RAN: variants seen among roughly 807,000 people sequenced by gnomAD.
RAN encodes the protein RAN, member RAS oncogene family.
A neutral mutation model predicts 26.8 loss-of-function variants in RAN; 2 were observed. That is an observed-to-expected ratio of 0.07 (90% CI 0.03 to 0.23). RAN has a LOEUF of 0.23. Ranked by LOEUF, RAN falls within the 10% of genes least tolerant of loss-of-function variation. The pLI is 1.00. For missense variants in RAN, 56 were observed against 264.8 expected (o/e 0.21, Z 5.47); for synonymous variants, 132 against 95.9 (o/e 1.38, Z -2.20).
At chr12:130,875,847 C>T in intron 6 of RAN, 35 bp from the exon 7 acceptor site, 1 of 1,614,088 alleles carries the variant, frequency 6.2e-7, no homozygotes, top group Non-Finnish European at 8.5e-7. Flanking sequence ...CAGTTTTGAT[C>T]TGGAGTGTTA....
Position 130,872,643 on chromosome 12 carries a change from C to T in RAN, c.36+14C>T, listed in dbSNP as rs1377238162. ...GTCCAGTTCAAAGTAGGTAACCCTG[C>T]GGGGCGGGAGGCGGCCGAGCCCGAC... is the stretch of plus-strand genomic sequence containing the variant. On this transcript the variant is annotated intron_variant, in intron 2 of 6. Coordinates refer to ENST00000543796, the MANE Select transcript of RAN (RefSeq NM_006325.5). The T allele has an allele frequency of 2.6e-6, 4 of 1,523,428 alleles. No individual in the cohort carries two copies. The highest frequency in any genetic ancestry group is 2.8e-5 in the African/African-American group (2 of 71,792). 94.4% of individuals were successfully genotyped at this position (1,523,428 alleles called of 1,614,324 possible).
At chr12:130,872,811 A>C in intron 2 of RAN, 25 bp from the exon 3 acceptor site, 1 of 1,612,752 alleles carries the variant, frequency 6.2e-7, no homozygotes. Context: ...TTTAGGGTTT[A>C]CTTCCAAAAT....
In RAN at chr12:130,875,520, A is replaced by T. The variant is rs1953223192; in HGVS notation, c.436-92A>T. On this transcript the variant is annotated intron_variant, in intron 5 of 6. Coordinates refer to ENST00000543796, the MANE Select transcript of RAN (RefSeq NM_006325.5). ...GCATGAGCCACCATGCCTTGCCAAG[A>T]ATCTTAACATTTTCTTATCTTGCAA... 4 of 1,241,756 alleles carry T rather than the reference A, an allele frequency of 3.2e-6. No individual in the cohort carries two copies. In the South Asian group the frequency reaches 6.2e-5, roughly 19 times the overall value. The allele number at this position is 1,241,756 out of a possible 1,614,324, so 76.9% of individuals were successfully genotyped here. A position where few individuals can be genotyped will look rare whatever the true frequency, so the allele number is the denominator to read the frequency against.
chr12:130,873,437 T>G (rs894551900), intron 4 of RAN: 1 of 317,070 alleles, frequency 3.2e-6, no homozygotes, highest in African/African-American at 2.2e-5. Flanking sequence ...CTTAGGTTCA[T>G]GTATGTATTT....
rs933964158 is a variant in RAN, at chr12:130,876,392, A to G, written c.*466A>G. ...CCTTGCTTTTATCACTTAATTTGAA[A>G]TCTATTGGGTTAATTTCTCCCTATG... On this transcript the variant is annotated 3_prime_UTR_variant, in exon 7 of 7. Transcript: ENST00000543796. 3.0e-5 allele frequency: 5 copies of G among 167,726 alleles called. No homozygotes were observed. Among genetic ancestry groups the G allele is most frequent in the Non-Finnish European group, 5.2e-5 (4 of 77,626 alleles). 10.4% of individuals were successfully genotyped at this position (167,726 alleles called of 1,614,324 possible).
chr12:130,875,057 C>A (rs965951367), intron 5 of RAN, among the ~76,000 whole-genome samples: 3 of 152,178 alleles, frequency 2.0e-5, no homozygotes, highest in Non-Finnish European at 4.4e-5. Flanking sequence ...AACTCCTGAC[C>A]TCAAGTGATC....
rs1953261101 is a variant in RAN at position 130,877,122 on chromosome 12, T to C, written c.*1196T>C. 6.6e-6 allele frequency: 1 copy of C among 152,066 alleles called. No individual in the cohort carries two copies. The highest frequency in any genetic ancestry group is 2.4e-5 in the African/African-American group (1 of 41,384). 9.4% of individuals were successfully genotyped at this position (152,066 alleles called of 1,614,324 possible). ...CACATTTAAAAATGAATTAGGTCTA[T>C]TAGGATAATTAGGAGTTTGATCCCA... is the stretch of plus-strand genomic sequence containing the variant. On this transcript the variant is annotated 3_prime_UTR_variant, in exon 7 of 7. Coordinates refer to ENST00000543796, the MANE Select transcript of RAN (RefSeq NM_006325.5).
At chr12:130,874,040 G>T in intron 4 of RAN, 1 of 381,376 alleles carries the variant, frequency 2.6e-6, no homozygotes, top group Non-Finnish European at 5.3e-6. Context: ...GTAGAGATGG[G>T]GATTCACCAT....
intron 1 of RAN, 152 bp from the exon 2 acceptor site, chr12:130,872,432 C>A: frequency 3.7e-6 from 1 of 268,356 alleles, no homozygotes; most frequent in Non-Finnish European, 6.0e-6. Context: ...CGGCCCCGCC[C>A]GCCGCCTTCC....
intron 2 of RAN, 103 bp downstream of exon 2, chr12:130,872,732 C>T: frequency 6.4e-7 from 1 of 1,566,690 alleles, no homozygotes; most frequent in Admixed American, 1.7e-5. Context: ...CCCGCATCCA[C>T]ATTCTTTGTT....
chr12:130,874,754 C>A, intron 5 of RAN, 21 bp downstream of exon 5: 1 of 1,581,072 alleles, frequency 6.3e-7, no homozygotes, highest in Middle Eastern at 1.7e-4. Context: ...TTAAAACTTC[C>A]TGAGTTATTT....
chr12:130,876,073 G>A lies in RAN; in HGVS notation c.*147G>A. The A allele has an allele frequency of 1.3e-6, 1 of 793,634 alleles. No individual in the cohort carries two copies. Among genetic ancestry groups the A allele is most frequent in the Non-Finnish European group, 2.0e-6 (1 of 494,718 alleles). The allele number at this position is 793,634 out of a possible 1,614,324, so 49.2% of individuals were successfully genotyped here. On this transcript the variant is annotated 3_prime_UTR_variant, in exon 7 of 7. Coordinates refer to ENST00000543796, the MANE Select transcript of RAN (RefSeq NM_006325.5). ...GTGGGATGCTGAAGGAGATGAGTGG[G>A]CTTCGGAGTGAATGTGGCAGTTTAA...
At chr12:130,872,654 G>T in intron 2 of RAN, 25 bp downstream of exon 2, 4 of 1,521,560 alleles carry the variant, frequency 2.6e-6, no homozygotes, top group Non-Finnish European at 3.5e-6. Flanking sequence ...GGGGCGGGAG[G>T]CGGCCGAGCC....
intron 5 of RAN, 101 bp downstream of exon 5, chr12:130,874,834 T>A: frequency 9.2e-7 from 1 of 1,086,222 alleles, no homozygotes; most frequent in Non-Finnish European, 1.3e-6. Context: ...ATGATTTTTT[T>A]TTCCCCAAGA....
At chr12:130,872,978 C>G in intron 3 of RAN, 25 bp from the exon 4 acceptor site, 1 of 1,614,236 alleles carries the variant, frequency 6.2e-7, no homozygotes, top group South Asian at 1.1e-5. Flanking sequence ...AGTTCATCCA[C>G]TCAATCGCAT....
intron 4 of RAN, chr12:130,874,287 T>C (rs1394221391): frequency 2.5e-6 from 1 of 403,642 alleles, no homozygotes; most frequent in African/African-American, 2.0e-5. Context: ...CATTAATTAC[T>C]TCAGATACTT....
chr12:130,875,077 T>C (rs1953213822), intron 5 of RAN, among the ~76,000 whole-genome samples: 1 of 152,166 alleles, frequency 6.6e-6, no homozygotes, highest in Admixed American at 6.5e-5. Flanking sequence ...CCACTTGCCT[T>C]GGCCTCCTAA....
intron 2 of RAN, 89 bp from the exon 3 acceptor site, chr12:130,872,747 G>A (rs1022148467): frequency 2.5e-6 from 4 of 1,576,736 alleles, no homozygotes; most frequent in Non-Finnish European, 1.7e-6. Flanking sequence ...TTTGTTTTAA[G>A]TGAGCCTGTG....
chr12:130,873,984 A>G (rs1049052847), intron 4 of RAN: 4 of 381,862 alleles, frequency 1.0e-5, no homozygotes, highest in Admixed American at 2.7e-5. Flanking sequence ...AGTAGCTTGG[A>G]CTATAGGCAC....
Sources: gnomAD v4.1 joint callset for allele counts (sites outside exome capture counted in the v4.1 genomes callset) on GRCh38, gnomAD v4.1.1 for gene constraint, MANE v1.5 for transcripts, NCBI Gene and HGNC (gene_info 2026-07-23, HGNC 2026-07-21) for gene names.